Variants in PRDM2 observed in about 807,000 individuals in gnomAD.
The protein encoded by PRDM2 is PR domain zinc finger protein 2.
PRDM2 carries 30 observed loss-of-function variants against 130.0 expected under a neutral mutation model. The ratio of observed to expected loss-of-function variants is 0.23; its 90% CI spans 0.17 to 0.31. The LOEUF is 0.31. Ranked by LOEUF, PRDM2 falls within the 10% of genes least tolerant of loss-of-function variation. PRDM2 has a pLI of 1.00. For missense variants in PRDM2, 2,011 were observed against 2,108.4 expected (o/e 0.95, Z 0.90); for synonymous variants, 871 against 782.4 (o/e 1.11, Z -1.89).
At chr1:13,784,103 C>T (rs150380731) in intron 8 of PRDM2, among the ~76,000 whole-genome samples, 1 of 152,344 alleles carries the variant, frequency 6.6e-6, no homozygotes, top group African/African-American at 2.4e-5. Flanking sequence ...TAAAAAGTTA[C>T]TTCATAAATG....
intron 9 of PRDM2, among the ~76,000 whole-genome samples, chr1:13,822,268 G>C (rs1645364400): frequency 6.6e-6 from 1 of 152,164 alleles, no homozygotes; most frequent in East Asian, 1.9e-4. Context: ...ATACGTATTT[G>C]CACCATACGT....
chr1:13,754,578 TA>T (rs1381452322), intron 6 of PRDM2, among the ~76,000 whole-genome samples: 2 of 152,266 alleles, frequency 1.3e-5, no homozygotes, highest in Admixed American at 6.5e-5. Context: ...TGGTTCCATT[TA>T]AAGTTGAACT....
At chr1:13,742,948 T>G (rs1414240347) in intron 5 of PRDM2, among the ~76,000 whole-genome samples, 1 of 148,088 alleles carries the variant, frequency 6.8e-6, no homozygotes, top group Admixed American at 6.8e-5. Flanking sequence ...TTGGAGATAT[T>G]AATTGTTGAA....
chr1:13,779,004 T>G lies in PRDM2; in HGVS notation c.1209T>G (p.Ile403Met). ...KYCGKAFGTQ[I>M]NRRRHERRHE... ...GTGGGAAAGCCTTTGGCACACAGAT[T>G]AACCGGCGGCGACATGAGCGGCGCC... The change falls in exon 8 of 10, where the codon ATT becomes ATG. Residue 403 changes from isoleucine (I) to methionine (M), a missense_variant. Coordinates refer to ENST00000311066, the MANE Select transcript of PRDM2 (RefSeq NM_001393986.1). The surrounding 1 kb of genome is among the most constrained non-coding windows in gnomAD (Gnocchi z 4.9). The G allele has an allele frequency of 1.2e-6, 2 of 1,614,100 alleles. No homozygotes were observed. Among genetic ancestry groups the G allele is most frequent in the Middle Eastern group, 1.6e-4 (1 of 6,062 alleles).
At chr1:13,721,556 T>C (rs1642729907) in intron 2 of PRDM2, among the ~76,000 whole-genome samples, 1 of 152,190 alleles carries the variant, frequency 6.6e-6, no homozygotes, top group Non-Finnish European at 1.5e-5. Context: ...TGAATAGTGG[T>C]AGCCCTTGAA....
rs113279852 is a variant in PRDM2, at chr1:13,801,778, C to T, written c.5037-14649C>T. On this transcript the variant is annotated intron_variant, in intron 8 of 9. Transcript: ENST00000311066. ...GAACCAGTTCCACTGAACCTGGTTT[C>T]GGGAAATGCTGGTAACATGGAAGAA... is the stretch of plus-strand genomic sequence containing the variant. 5.9e-3 allele frequency among the ~76,000 whole-genome samples: 898 copies of T among 152,332 alleles called. 11 individuals are homozygous for T. Among genetic ancestry groups the T allele is most frequent in the African/African-American group, 0.02 (842 of 41,570 alleles).
chr1:13,809,239 G>A (rs762377629), intron 8 of PRDM2, among the ~76,000 whole-genome samples: 1 of 152,194 alleles, frequency 6.6e-6, no homozygotes, highest in East Asian at 1.9e-4. Context: ...GTCGTGGTCC[G>A]TTTTGCCTTT....
chr1:13,751,539 T>G (rs1402585887), intron 6 of PRDM2, among the ~76,000 whole-genome samples: 1 of 152,096 alleles, frequency 6.6e-6, no homozygotes, highest in Non-Finnish European at 1.5e-5. Flanking sequence ...TTTTTTTTTT[T>G]TAATTAACTC....
In PRDM2 at chr1:13,725,037, G is replaced by C. The variant is rs1443556597; in HGVS notation, c.10-5963G>C. Among the ~76,000 whole-genome samples, 5 of 152,276 alleles carry C rather than the reference G, an allele frequency of 3.3e-5. No individual in the cohort carries two copies. In the East Asian group the frequency reaches 5.8e-4, roughly 18 times the overall value. ...CGGTCCTGTCTTCTTAGCCCTGAGA[G>C]GGGAGGTACGATGGAAGACTGGAGG... On this transcript the variant is annotated intron_variant, in intron 2 of 9. Transcript: ENST00000311066.
chr1:13,744,028 G>C (rs1022814009), intron 5 of PRDM2, among the ~76,000 whole-genome samples: 1 of 152,208 alleles, frequency 6.6e-6, no homozygotes, highest in Non-Finnish European at 1.5e-5. Context: ...TCCTGGTGGA[G>C]ATGAAATACT....
intron 8 of PRDM2, among the ~76,000 whole-genome samples, chr1:13,811,888 C>G (rs750862376): frequency 2.0e-5 from 3 of 152,218 alleles, no homozygotes; most frequent in East Asian, 3.9e-4. Flanking sequence ...TGGGAGGGAG[C>G]TGTGGGCAGA....
At chr1:13,800,430 CTG>C (rs1397896437) in intron 8 of PRDM2, among the ~76,000 whole-genome samples, 1 of 152,202 alleles carries the variant, frequency 6.6e-6, no homozygotes, top group African/African-American at 2.4e-5. Flanking sequence ...AGGGCGCAAA[CTG>C]TGGAAGTCTT....
rs948437680 is a variant in PRDM2 at position 13,749,470 on chromosome 1, C to T, written c.494C>T (p.Ser165Phe). 2.0e-6 allele frequency: 3 copies of T among 1,477,728 alleles called. No homozygotes were observed. The highest frequency in any genetic ancestry group is 2.7e-6 in the Non-Finnish European group (3 of 1,099,548). The allele number at this position is 1,477,728 out of a possible 1,614,324, so 91.5% of individuals were successfully genotyped here. A position where few individuals can be genotyped will look rare whatever the true frequency, so the allele number is the denominator to read the frequency against. The change falls in exon 6 of 10, where the codon TCC becomes TTC. Residue 165 changes from serine to phenylalanine, a missense_variant. Coordinates refer to ENST00000311066, the MANE Select transcript of PRDM2 (RefSeq NM_001393986.1). ...ERASARSKRS[S>F]PKSRKGKKKS... ...GCCAGCGCCCGGAGCAAGCGGAGCT[C>T]CCCCAAGAGCCGGAAAGGTAGGAGC... is the stretch of plus-strand genomic sequence containing the variant.
chr1:13,821,283 ATTAT>A (rs1016715758), intron 9 of PRDM2, among the ~76,000 whole-genome samples: 6 of 152,108 alleles, frequency 3.9e-5, no homozygotes, highest in East Asian at 1.9e-4. Context: ...TGGTATTATT[ATTAT>A]TATTATTGAA....
At chr1:13,725,459 C>T (rs1642882064) in intron 2 of PRDM2, among the ~76,000 whole-genome samples, 1 of 152,186 alleles carries the variant, frequency 6.6e-6, no homozygotes, top group Non-Finnish European at 1.5e-5. Context: ...CCTGCCTCGG[C>T]CTCCCAAAGT....
chr1:13,710,658 A>G (rs1428459955), intron 1 of PRDM2, among the ~76,000 whole-genome samples: 1 of 152,218 alleles, frequency 6.6e-6, no homozygotes, highest in East Asian at 1.9e-4. Flanking sequence ...CAAATATTCA[A>G]GAAGGTTTGA....
chr1:13,812,822 T>C (rs1432104741), intron 8 of PRDM2, among the ~76,000 whole-genome samples: 1 of 152,186 alleles, frequency 6.6e-6, no homozygotes, highest in Non-Finnish European at 1.5e-5. Flanking sequence ...GCTGGATTCT[T>C]CCCAGAAAGC....
intron 2 of PRDM2, among the ~76,000 whole-genome samples, chr1:13,727,966 T>C (rs1365951019): frequency 3.9e-5 from 6 of 152,330 alleles, no homozygotes. Flanking sequence ...CCTTTGTTCC[T>C]AAGGTTCACT....
chr1:13,762,187 C>T (rs1209234000), intron 6 of PRDM2, among the ~76,000 whole-genome samples: 4 of 152,342 alleles, frequency 2.6e-5, no homozygotes, highest in South Asian at 2.1e-4. Flanking sequence ...CAACAGTATC[C>T]GATCAGTATT....
Sources: allele counts gnomAD v4.1 joint callset (sites outside exome capture counted in the v4.1 genomes callset), GRCh38; gene constraint gnomAD v4.1.1; non-coding constraint Gnocchi (gnomAD v3.1); transcripts MANE v1.5; gene names NCBI Gene and HGNC (gene_info 2026-07-23, HGNC 2026-07-21).